Variants in DLGAP2 observed in about 807,000 individuals in gnomAD.
DLGAP2 encodes DLG associated protein 2, also known as disks large-associated protein 2.
Under a neutral mutation model 100.3 loss-of-function variants are expected in DLGAP2, and 26 were observed. That is an observed-to-expected ratio of 0.26 (90% CI 0.19 to 0.36). The LOEUF is 0.36. Ranked by LOEUF, DLGAP2 falls within the 10% of genes least tolerant of loss-of-function variation. DLGAP2 has a pLI of 1.00. For missense variants in DLGAP2, 1,858 were observed against 1,453.2 expected (o/e 1.28, Z -4.53); for synonymous variants, 886 against 630.1 (o/e 1.41, Z -6.08).
intron 3 of DLGAP2, among the ~76,000 whole-genome samples, chr8:1,459,818 G>A (rs564970489): frequency 7.3e-5 from 11 of 151,474 alleles, no homozygotes; most frequent in South Asian, 6.3e-4. Flanking sequence ...CCCGAGTAGC[G>A]GGAATTGCAG....
At chr8:1,187,441 G>A (rs1021042752) in intron 2 of DLGAP2, among the ~76,000 whole-genome samples, 7 of 133,434 alleles carry the variant, frequency 5.2e-5, no homozygotes, top group South Asian at 2.4e-4. Flanking sequence ...TTTGCCTCAC[G>A]GAATCTCACA....
At chr8:1,353,792 G>A (rs945116768) in intron 3 of DLGAP2, among the ~76,000 whole-genome samples, 2 of 151,938 alleles carry the variant, frequency 1.3e-5, no homozygotes, top group African/African-American at 2.4e-5. Context: ...GCAAAAACAC[G>A]ACAGGAAAAA....
intron 1 of DLGAP2, among the ~76,000 whole-genome samples, chr8:832,326 C>T (rs1410916795): frequency 1.3e-5 from 2 of 152,170 alleles, no homozygotes; most frequent in African/African-American, 4.8e-5. Context: ...AGGTTTTCTT[C>T]TAGGGTTTTT....
chr8:1,565,241 C>A (rs1802349562), intron 5 of DLGAP2, among the ~76,000 whole-genome samples: 2 of 151,924 alleles, frequency 1.3e-5, no homozygotes, highest in African/African-American at 4.8e-5. Flanking sequence ...AAACCGTCCT[C>A]TTTTATTTGC....
chr8:1,493,620 C>G (rs1426848632), intron 3 of DLGAP2, among the ~76,000 whole-genome samples: 3 of 152,190 alleles, frequency 2.0e-5, no homozygotes, highest in East Asian at 1.9e-4. Flanking sequence ...GCTTCACATT[C>G]TAATCCTCCT....
Position 1,697,305 on chromosome 8 carries a change from G to A in DLGAP2, c.2949+6G>A, listed in dbSNP as rs755817516. On this transcript the variant is annotated splice_donor_region_variant and intron_variant, in intron 14 of 14. Transcript: ENST00000637795. ...TGGAGTCCCCGGAAAGAAAGGTAAGGGCATCCATGCAGGGCCGGCTCCCAG... is the reference window on the plus strand; with the variant it reads ...TGGAGTCCCCGGAAAGAAAGGTAAGAGCATCCATGCAGGGCCGGCTCCCAG... The A allele has an allele frequency of 6.9e-6, 11 of 1,597,738 alleles. 1 individual carries two copies. The highest frequency in any genetic ancestry group is 3.4e-5 in the South Asian group (3 of 89,278).
chr8:1,030,359 T>G (rs1232544167), intron 2 of DLGAP2, among the ~76,000 whole-genome samples: 1 of 152,214 alleles, frequency 6.6e-6, no homozygotes, highest in Non-Finnish European at 1.5e-5. Context: ...AATACAGTTC[T>G]GTTCAAAGTT....
chr8:1,169,538 TG>T (rs1797085835), intron 2 of DLGAP2, among the ~76,000 whole-genome samples: 3 of 152,220 alleles, frequency 2.0e-5, no homozygotes, highest in Admixed American at 2.0e-4. Context: ...TCCATTTGTT[TG>T]TATCCTCTTT....
At chr8:1,384,270 C>T (rs1162539396) in intron 3 of DLGAP2, among the ~76,000 whole-genome samples, 3 of 152,258 alleles carry the variant, frequency 2.0e-5, no homozygotes, top group South Asian at 2.1e-4. Flanking sequence ...ACTGCACAGT[C>T]GCTGCACTCT....
At chr8:1,292,259 C>T (rs1052180743) in intron 3 of DLGAP2, among the ~76,000 whole-genome samples, 4 of 152,210 alleles carry the variant, frequency 2.6e-5, no homozygotes, top group African/African-American at 9.6e-5. Context: ...ATTGGGTTCC[C>T]TCTGCCCTGG....
rs376871550 is a variant in DLGAP2 at position 1,203,514 on chromosome 8, C to A, written c.74-55337C>A. Among the ~76,000 whole-genome samples the A allele has an allele frequency of 1.7e-3, 255 of 152,286 alleles. 1 individual carries two copies. Among genetic ancestry groups the A allele is most frequent in the South Asian group, 0.012 (60 of 4,830 alleles). On this transcript the variant is annotated intron_variant, in intron 2 of 14. Coordinates refer to ENST00000637795, the MANE Select transcript of DLGAP2 (RefSeq NM_001346810.2). ...ATTTTGCGTGTCCTGAGTAGGGATACCCTTCTCAGCGATCTCTGTGGAACA... is the reference window on the plus strand; with the variant it reads ...ATTTTGCGTGTCCTGAGTAGGGATAACCTTCTCAGCGATCTCTGTGGAACA...
At chr8:1,129,832 C>G (rs995929801) in intron 2 of DLGAP2, among the ~76,000 whole-genome samples, 3 of 152,178 alleles carry the variant, frequency 2.0e-5, no homozygotes, top group African/African-American at 4.8e-5. Flanking sequence ...GGAGCGCTGA[C>G]TCTGCAGTCA....
rs1366847188 is a variant in DLGAP2 at position 1,089,076 on chromosome 8, C to T, written c.74-169775C>T. 5.8e-4 allele frequency among the ~76,000 whole-genome samples: 84 copies of T among 144,214 alleles called. 1 individual carries two copies. Among genetic ancestry groups the T allele is most frequent in the African/African-American group, 2.1e-3 (80 of 37,526 alleles). 94.6% of individuals were successfully genotyped at this position (144,214 alleles called of 152,430 possible). On this transcript the variant is annotated intron_variant, in intron 2 of 14. Coordinates refer to ENST00000637795, the MANE Select transcript of DLGAP2 (RefSeq NM_001346810.2). ...GCTCCCCGGCCTCACTCTCTCCACC[C>T]CTCGTCCAGCAGGCTATGCAATTCT...
At chr8:1,010,360 C>T (rs1411041069) in intron 2 of DLGAP2, among the ~76,000 whole-genome samples, 2 of 152,086 alleles carry the variant, frequency 1.3e-5, no homozygotes, top group Non-Finnish European at 1.5e-5. Flanking sequence ...TGCACACACG[C>T]ACTCATTCTC....
At chr8:1,259,001 C>G (rs1009477098) in intron 3 of DLGAP2, 118 bp downstream of exon 3, 1 of 862,704 alleles carries the variant, frequency 1.2e-6, no homozygotes, top group South Asian at 5.9e-5. Context: ...AGGACGCAGT[C>G]TGTGTGCTGT....
intron 2 of DLGAP2, chr8:1,248,517 T>C (rs112756910): frequency 8.8e-6 from 1 of 113,696 alleles, no homozygotes; most frequent in African/African-American, 3.7e-5. Context: ...GGTCCATGTC[T>C]GTGGCCGGGA....
At chr8:1,424,163 A>C (rs78947628) in intron 3 of DLGAP2, among the ~76,000 whole-genome samples, 2,032 of 152,318 alleles carry the variant, frequency 0.013, 27 homozygotes, top group East Asian at 0.026. Flanking sequence ...GCCTGCAGCT[A>C]TTTCTCTCTT....
At chr8:1,480,257 T>C (rs1041694976) in intron 3 of DLGAP2, among the ~76,000 whole-genome samples, 1 of 152,190 alleles carries the variant, frequency 6.6e-6, no homozygotes, top group Non-Finnish European at 1.5e-5. Context: ...GGGTCTTGTT[T>C]TTATGTCTCT....
intron 3 of DLGAP2, among the ~76,000 whole-genome samples, chr8:1,498,823 GA>G (rs1355335577): frequency 2.0e-5 from 3 of 152,190 alleles, no homozygotes; most frequent in African/African-American, 7.2e-5. Context: ...AATGTAGGCT[GA>G]AAATACAAAG....
Sources: gnomAD v4.1 joint callset for allele counts (sites outside exome capture counted in the v4.1 genomes callset) on GRCh38, gnomAD v4.1.1 for gene constraint, MANE v1.5 for transcripts, NCBI Gene and HGNC (gene_info 2026-07-23, HGNC 2026-07-21) for gene names.